MINDY2: variants seen among roughly 807,000 people sequenced by gnomAD.
MINDY2 encodes MINDY lysine 48 deubiquitinase 2.
In MINDY2, 52 loss-of-function variants were observed where a neutral mutation model predicts 68.2. The observed-to-expected ratio is 0.76, with a 90% CI of 0.61 to 0.96. MINDY2 has a LOEUF of 0.96. MINDY2 is among the 40% of genes least tolerant of loss of function. The pLI is 0.00. For missense variants in MINDY2, 881 were observed against 773.4 expected (o/e 1.14, Z -1.65); for synonymous variants, 372 against 303.0 (o/e 1.23, Z -2.36).
intron 4 of MINDY2, among the ~76,000 whole-genome samples, chr15:58,813,682 C>G (rs1337185951): frequency 2.0e-5 from 3 of 151,892 alleles, no homozygotes; most frequent in Non-Finnish European, 2.9e-5. Context: ...AAGTGATCCT[C>G]TTGCCGCAGC....
intron 5 of MINDY2, among the ~76,000 whole-genome samples, chr15:58,825,034 GC>G (rs1469035589): frequency 6.6e-6 from 1 of 152,002 alleles, no homozygotes; most frequent in Non-Finnish European, 1.5e-5. Context: ...TTTCTGTTTA[GC>G]CTGCAATTGT....
intron 3 of MINDY2, among the ~76,000 whole-genome samples, chr15:58,802,921 G>A (rs1010544038): frequency 1.3e-4 from 20 of 152,172 alleles, no homozygotes; most frequent in Non-Finnish European, 4.4e-5. Context: ...AGCAAGCGGA[G>A]CTTCATTTTC....
intron 3 of MINDY2, among the ~76,000 whole-genome samples, chr15:58,803,299 T>C (rs1389906017): frequency 6.9e-6 from 1 of 144,960 alleles, no homozygotes; most frequent in Non-Finnish European, 1.5e-5. Context: ...ACCCCATTTC[T>C]ACTAAAAATA....
intron 1 of MINDY2, among the ~76,000 whole-genome samples, chr15:58,778,171 C>T (rs1318276827): frequency 6.6e-6 from 1 of 151,882 alleles, no homozygotes; most frequent in Non-Finnish European, 1.5e-5. Context: ...GGCCAACATA[C>T]ATACAAAAAA....
chr15:58,816,542 G>C (rs927925994), intron 4 of MINDY2, among the ~76,000 whole-genome samples: 4 of 151,888 alleles, frequency 2.6e-5, no homozygotes, highest in Non-Finnish European at 4.4e-5. Context: ...AGTAGCTGGG[G>C]CTGCAGTTGT....
At chr15:58,818,268 G>C (rs779540905) in intron 4 of MINDY2, among the ~76,000 whole-genome samples, 10 of 152,100 alleles carry the variant, frequency 6.6e-5, no homozygotes, top group Non-Finnish European at 1.2e-4. Flanking sequence ...GGAATTCTGG[G>C]GGTGGGGGAA....
chr15:58,796,931 T>A lies in MINDY2; in HGVS notation c.899-5382T>A, dbSNP rs1190842718. On this transcript the variant is annotated intron_variant, in intron 2 of 8. Coordinates refer to ENST00000559228, the MANE Select transcript of MINDY2 (RefSeq NM_001040450.3). ...CCACTCTCCACCCTACTTTCCTTGT[T>A]CTCAGATGGAATTGTGTAAGGCAGA... is the stretch of plus-strand genomic sequence containing the variant. 2.0e-5 allele frequency among the ~76,000 whole-genome samples: 3 copies of A among 152,334 alleles called. No homozygotes were observed. The South Asian group carries it at 6.2e-4, about 32-fold the overall frequency.
chr15:58,829,293 A>AGC (rs1394681612), intron 5 of MINDY2, among the ~76,000 whole-genome samples: 3 of 152,214 alleles, frequency 2.0e-5, no homozygotes, highest in African/African-American at 7.2e-5. Context: ...GTTCTTAATA[A>AGC]GCTATGCTTT....
chr15:58,778,834 A>G (rs1299740152), intron 1 of MINDY2, among the ~76,000 whole-genome samples: 3 of 116,144 alleles, frequency 2.6e-5, no homozygotes, highest in African/African-American at 3.6e-5. Context: ...TTTTTTTGAG[A>G]CGGAATCTCA....
chr15:58,847,114 C>G lies in MINDY2; in HGVS notation c.1369-183C>G, dbSNP rs374071527. Among the ~76,000 whole-genome samples, 50 of 152,224 alleles carry G rather than the reference C, an allele frequency of 3.3e-4. No homozygotes were observed. In the South Asian group the frequency reaches 9.8e-3, roughly 30 times the overall value. On this transcript the variant is annotated intron_variant, in intron 6 of 8. Coordinates refer to ENST00000559228, the MANE Select transcript of MINDY2 (RefSeq NM_001040450.3). The stretch of plus-strand genomic sequence containing the variant: ...TAGTGTGCCAATTATAAACTATATT[C>G]AAAGCCGAGTGGATTTGAGGAAGTA...
intron 1 of MINDY2, among the ~76,000 whole-genome samples, chr15:58,781,640 C>T (rs1201006716): frequency 6.6e-6 from 1 of 152,058 alleles, no homozygotes; most frequent in Non-Finnish European, 1.5e-5. Flanking sequence ...CGCAGTGGCT[C>T]ATGCCTGTAA....
chr15:58,822,838 A>T (rs1384514991), intron 5 of MINDY2, among the ~76,000 whole-genome samples: 1 of 152,196 alleles, frequency 6.6e-6, no homozygotes, highest in African/African-American at 2.4e-5. Context: ...GGGAAACAAA[A>T]GAGAAAGAGA....
chr15:58,819,359 G>A (rs755781535), intron 4 of MINDY2, among the ~76,000 whole-genome samples: 1 of 152,070 alleles, frequency 6.6e-6, no homozygotes, highest in Admixed American at 6.6e-5. Flanking sequence ...GAGGTGGAAG[G>A]ATTGCTTGAG....
chr15:58,833,084 G>C (rs1450820213), intron 6 of MINDY2, among the ~76,000 whole-genome samples: 6 of 151,878 alleles, frequency 4.0e-5, no homozygotes, highest in African/African-American at 1.5e-4. Flanking sequence ...CATTCTTTTT[G>C]TTGTTACAGC....
intron 6 of MINDY2, among the ~76,000 whole-genome samples, chr15:58,842,062 A>G (rs1431942417): frequency 1.3e-5 from 2 of 151,936 alleles, no homozygotes; most frequent in Non-Finnish European, 2.9e-5. Flanking sequence ...CCCTGTCTAG[A>G]TCACATAGCT....
chr15:58,803,490 G>T (rs1027722166), intron 3 of MINDY2, among the ~76,000 whole-genome samples: 1 of 148,772 alleles, frequency 6.7e-6, no homozygotes, highest in Admixed American at 6.7e-5. Context: ...AAAAGAAGAA[G>T]AATCAACAAC....
Position 58,782,911 on chromosome 15 carries a change from GTTTTTTTTT to G in MINDY2, c.841-4977_841-4969del, listed in dbSNP as rs1157376592. On this transcript the variant is annotated intron_variant, in intron 1 of 8. Coordinates refer to ENST00000559228, the MANE Select transcript of MINDY2 (RefSeq NM_001040450.3). ...TCAATATATTTAATTTTTTCTCTCTGTTTTTTTTTTTTTTTTTTTTTTTTTTGAGACAGA... is the reference window on the plus strand; with the variant it reads ...TCAATATATTTAATTTTTTCTCTCTGTTTTTTTTTTTTTTTTTGAGACAGA... 2.9e-4 allele frequency among the ~76,000 whole-genome samples: 19 copies of G among 64,496 alleles called. No homozygotes were observed. In the East Asian group the frequency reaches 4.9e-3, roughly 17 times the overall value. 42.3% of individuals were successfully genotyped at this position (64,496 alleles called of 152,430 possible).
At chr15:58,799,893 CAACAT>C (rs1331202603) in intron 2 of MINDY2, among the ~76,000 whole-genome samples, 1 of 152,088 alleles carries the variant, frequency 6.6e-6, no homozygotes, top group African/African-American at 2.4e-5. Context: ...ATATGAAACT[CAACAT>C]AAACTGGAAT....
chr15:58,820,500 C>T (rs1193828554), intron 4 of MINDY2, among the ~76,000 whole-genome samples: 1 of 151,756 alleles, frequency 6.6e-6, no homozygotes, highest in Non-Finnish European at 1.5e-5. Flanking sequence ...TCCACAATTT[C>T]CTGCTGTGAC....
Sources: gnomAD v4.1 joint callset for allele counts (sites outside exome capture counted in the v4.1 genomes callset) on GRCh38, gnomAD v4.1.1 for gene constraint, MANE v1.5 for transcripts, NCBI Gene and HGNC (gene_info 2026-07-23, HGNC 2026-07-21) for gene names.